SIN3A: variants seen among roughly 807,000 people sequenced by gnomAD.
SIN3A encodes paired amphipathic helix protein Sin3a.
A neutral mutation model predicts 146.1 loss-of-function variants in SIN3A; 14 were observed. The ratio of observed to expected loss-of-function variants is 0.10; its 90% CI spans 0.06 to 0.15. SIN3A has a LOEUF of 0.15. Among genes scored for constraint, SIN3A ranks in the 10% least tolerant of loss-of-function variants. The probability of loss-of-function intolerance (pLI) is 1.00; values close to 1 mark genes in which losing one functional copy is unlikely to be tolerated. For synonymous variants in SIN3A, 572 were observed against 572.0 expected (o/e 1.00, Z 0.00); for missense variants, 1,028 against 1,576.0 (o/e 0.65, Z 5.89).
At chr15:75,454,717 T>C (rs2074463948), upstream of SIN3A, among the ~76,000 whole-genome samples, 1 of 149,430 alleles carries the variant, frequency 6.7e-6, no homozygotes, top group Non-Finnish European at 1.5e-5. Flanking sequence ...CGCCGAGCGG[T>C]CCGCAGCAGC....
At chr15:75,442,207 T>C (rs925368052) in intron 1 of SIN3A, among the ~76,000 whole-genome samples, 2 of 147,564 alleles carry the variant, frequency 1.4e-5, no homozygotes, top group Non-Finnish European at 3.0e-5. Context: ...TCTTTATACA[T>C]ATACGTAACT....
intron 1 of SIN3A, among the ~76,000 whole-genome samples, chr15:75,447,490 A>T (rs1317165197): frequency 6.6e-6 from 1 of 152,138 alleles, no homozygotes; most frequent in Non-Finnish European, 1.5e-5. Context: ...AGTCATCAGC[A>T]TTGTTTGGAT....
At chr15:75,395,762 G>T (rs1384541354) in intron 13 of SIN3A, among the ~76,000 whole-genome samples, 4 of 152,056 alleles carry the variant, frequency 2.6e-5, no homozygotes, top group Admixed American at 2.6e-4. Context: ...AAAATTAGCT[G>T]GGTGTGGTGG....
At chr15:75,375,167 A>G (rs1171401493) in intron 20 of SIN3A, among the ~76,000 whole-genome samples, 1 of 152,200 alleles carries the variant, frequency 6.6e-6, no homozygotes, top group Non-Finnish European at 1.5e-5. Flanking sequence ...TCACGCCTGT[A>G]ATGCTAGCAC....
chr15:75,444,998 G>A (rs553710592), intron 1 of SIN3A, among the ~76,000 whole-genome samples: 3 of 151,800 alleles, frequency 2.0e-5, no homozygotes, highest in South Asian at 2.1e-4. Flanking sequence ...GGGTGTCTGA[G>A]GCAGGTGGAT....
At position 75,371,753 on chromosome 15, in the gene SIN3A, A is replaced by ACC. The variant is rs1000113239; in HGVS notation, c.*224_*225dup. On this transcript the variant is annotated 3_prime_UTR_variant, in exon 21 of 21. Coordinates refer to ENST00000394947, the MANE Select transcript of SIN3A (RefSeq NM_001145358.2). ...CCCTCCAGGGCAGGCTATACCCAAA[A>ACC]CCCTTTGGGAAAAGTTCCAGCTTCA... is the stretch of plus-strand genomic sequence containing the variant. 14 of 548,158 alleles carry ACC rather than the reference A, an allele frequency of 2.6e-5. No individual in the cohort carries two copies. The highest frequency in any genetic ancestry group is 3.9e-5 in the Non-Finnish European group (12 of 308,830). The allele number at this position is 548,158 out of a possible 1,614,324, so 34.0% of individuals were successfully genotyped here.
intron 7 of SIN3A, 28 bp downstream of exon 7, chr15:75,410,106 T>C (rs762133049): frequency 2.5e-6 from 4 of 1,607,848 alleles, no homozygotes; most frequent in Admixed American, 1.7e-5. Flanking sequence ...TAATAGTAAA[T>C]AGTGTAATTC....
chr15:75,399,145 G>A (rs918968397), intron 12 of SIN3A, among the ~76,000 whole-genome samples: 1 of 151,942 alleles, frequency 6.6e-6, no homozygotes, highest in Non-Finnish European at 1.5e-5. Context: ...ACTTGAGTCT[G>A]GAAGGTTGAG....
At chr15:75,399,295 G>A (rs1403949418) in intron 12 of SIN3A, among the ~76,000 whole-genome samples, 3 of 152,032 alleles carry the variant, frequency 2.0e-5, no homozygotes, top group South Asian at 4.1e-4. Context: ...TTGGGAGGCC[G>A]AGACGGGTGG....
At chr15:75,387,963 C>T (rs770720183) in intron 16 of SIN3A, among the ~76,000 whole-genome samples, 16 of 152,176 alleles carry the variant, frequency 1.1e-4, no homozygotes, top group Non-Finnish European at 2.2e-4. Context: ...TATCTGACAA[C>T]TTTCCCCCAG....
intron 20 of SIN3A, among the ~76,000 whole-genome samples, chr15:75,375,261 C>T (rs1208970252): frequency 6.6e-6 from 1 of 152,048 alleles, no homozygotes; most frequent in Non-Finnish European, 1.5e-5. Context: ...CCAGTACTTC[C>T]GAATGTGACC....
At chr15:75,372,395 A>G (rs964399846) in intron 20 of SIN3A, among the ~76,000 whole-genome samples, 186 bp from the exon 21 acceptor site, 1 of 152,186 alleles carries the variant, frequency 6.6e-6, no homozygotes, top group African/African-American at 2.4e-5. Context: ...TAAAGAGGTA[A>G]GAACATAGAA....
chr15:75,374,483 C>G (rs989477754), intron 20 of SIN3A, among the ~76,000 whole-genome samples: 1 of 152,248 alleles, frequency 6.6e-6, no homozygotes, highest in Non-Finnish European at 1.5e-5. Flanking sequence ...CAAGGGCACC[C>G]TTTTGAGTGG....
intron 3 of SIN3A, among the ~76,000 whole-genome samples, chr15:75,417,670 CA>C (rs1369496723): frequency 2.0e-5 from 3 of 152,288 alleles, no homozygotes; most frequent in African/African-American, 7.2e-5. Context: ...TGAGCCACCA[CA>C]CCTGGCCAGG....
chr15:75,435,787 G>A (rs1210858527), intron 1 of SIN3A, among the ~76,000 whole-genome samples: 1 of 151,364 alleles, frequency 6.6e-6, no homozygotes, highest in African/African-American at 2.4e-5. Context: ...CATACAAAAT[G>A]TACTAAAGAT....
rs1394874174 is a variant in SIN3A at position 75,451,616 on chromosome 15, C to G, written c.-227G>C. On this transcript the variant is annotated 5_prime_UTR_variant, in exon 1 of 21. Transcript: ENST00000394947. ...AGGGAGGGAGGGAGGGAGGGAAACT[C>G]CGAGGGGGGAAGGGGAGGGGGGAAG... 5 of 149,078 alleles carry G rather than the reference C, an allele frequency of 3.4e-5. No individual in the cohort carries two copies. Among genetic ancestry groups the G allele is most frequent in the Admixed American group, 6.7e-5 (1 of 14,962 alleles). The allele number at this position is 149,078 out of a possible 1,614,324, so 9.2% of individuals were successfully genotyped here.
At chr15:75,438,497 A>G (rs2074144877) in intron 1 of SIN3A, among the ~76,000 whole-genome samples, 1 of 152,154 alleles carries the variant, frequency 6.6e-6, no homozygotes, top group Non-Finnish European at 1.5e-5. Context: ...GAGCCTGGGC[A>G]ACAAAGTGAG....
chr15:75,385,625 A>G (rs1352071487), intron 16 of SIN3A, among the ~76,000 whole-genome samples: 2 of 152,258 alleles, frequency 1.3e-5, no homozygotes, highest in Non-Finnish European at 2.9e-5. Flanking sequence ...GTTAATTTCA[A>G]TATTGATTTG....
At chr15:75,439,578 C>A (rs1425240873) in intron 1 of SIN3A, among the ~76,000 whole-genome samples, 1 of 149,932 alleles carries the variant, frequency 6.7e-6, no homozygotes, top group African/African-American at 2.4e-5. Flanking sequence ...ATCTCCTGAC[C>A]TCGTGATCCG....
Sources: gnomAD v4.1 joint callset for allele counts (sites outside exome capture counted in the v4.1 genomes callset) on GRCh38, gnomAD v4.1.1 for gene constraint, MANE v1.5 for transcripts, NCBI Gene and HGNC (gene_info 2026-07-23, HGNC 2026-07-21) for gene names.